The following CACNA1A variants were observed in gnomAD, a reference collection of about 807,000 sequenced individuals.
CACNA1A encodes the protein voltage-dependent P/Q-type calcium channel subunit alpha-1A.
CACNA1A carries 57 observed loss-of-function variants against 262.4 expected under a neutral mutation model. The observed-to-expected ratio is 0.22, with a 90% CI of 0.18 to 0.27. CACNA1A has a LOEUF of 0.27. Ranked by LOEUF, CACNA1A falls within the 10% of genes least tolerant of loss-of-function variation. The pLI is 1.00. For missense variants in CACNA1A, 2,526 were observed against 3,562.8 expected (o/e 0.71, Z 7.41); for synonymous variants, 1,431 against 1,419.3 (o/e 1.01, Z -0.18).
intron 6 of CACNA1A, among the ~76,000 whole-genome samples, chr19:13,354,392 G>A (rs1600406757): frequency 1.3e-5 from 2 of 152,312 alleles, no homozygotes; most frequent in South Asian, 2.1e-4. Flanking sequence ...CAAACAGATC[G>A]AGGCTCATTC....
At chr19:13,303,959 C>T (rs1054896204) in intron 15 of CACNA1A, 75 bp from the exon 16 acceptor site, 23 of 1,046,552 alleles carry the variant, frequency 2.2e-5, no homozygotes, top group South Asian at 8.5e-5. Flanking sequence ...GCTGTGGAGC[C>T]GGAATCCGCC....
chr19:13,339,929 G>A (rs556703110), intron 6 of CACNA1A, among the ~76,000 whole-genome samples: 10 of 152,190 alleles, frequency 6.6e-5, no homozygotes, highest in Non-Finnish European at 1.3e-4. Context: ...GGAAGGTTCT[G>A]GAAGAAAGAA....
At chr19:13,396,724 A>G (rs1027855058) in intron 3 of CACNA1A, among the ~76,000 whole-genome samples, 10 of 152,192 alleles carry the variant, frequency 6.6e-5, no homozygotes, top group Admixed American at 2.0e-4. Context: ...TGATGGTGCA[A>G]ACTAGTCATT....
chr19:13,365,074 G>A, intron 5 of CACNA1A: 1 of 341,852 alleles, frequency 2.9e-6, no homozygotes, highest in Non-Finnish European at 5.4e-6. Flanking sequence ...TCCCCCGATG[G>A]TGCTTCCTGG....
chr19:13,440,305 GTGA>G (rs2060693954), intron 3 of CACNA1A, among the ~76,000 whole-genome samples: 1 of 152,176 alleles, frequency 6.6e-6, no homozygotes, highest in African/African-American at 2.4e-5. Flanking sequence ...AGGTGATGGG[GTGA>G]CAATGAATCC....
chr19:13,424,367 CACAA>C lies in CACNA1A; in HGVS notation c.539+28505_539+28508del, dbSNP rs534908974. On this transcript the variant is annotated intron_variant, in intron 3 of 46. Coordinates refer to ENST00000360228, the MANE Select transcript of CACNA1A (RefSeq NM_001127222.2). ...CTGGGCAACAAGAGTGAGACTCCGTCACAAACAAACAAACAAACAAACAACAACA... is the reference window on the plus strand; with the variant it reads ...CTGGGCAACAAGAGTGAGACTCCGTCACAAACAAACAAACAAACAACAACA... Among the ~76,000 whole-genome samples, 108 of 152,234 alleles carry C rather than the reference CACAA, an allele frequency of 7.1e-4. No individual in the cohort carries two copies. In the East Asian group the frequency reaches 8.1e-3, roughly 11 times the overall value.
chr19:13,427,942 G>GTTTTTTTTTTTT (rs1311890494), intron 3 of CACNA1A, among the ~76,000 whole-genome samples: 6 of 151,050 alleles, frequency 4.0e-5, no homozygotes, highest in African/African-American at 1.2e-4. Context: ...ATAATAACAG[G>GTTTTTTTTTTTT]TTGTTTTTTT....
At chr19:13,372,844 A>C (rs1305974044) in intron 3 of CACNA1A, among the ~76,000 whole-genome samples, 1 of 152,244 alleles carries the variant, frequency 6.6e-6, no homozygotes, top group Non-Finnish European at 1.5e-5. Context: ...GGTCAAAAAG[A>C]GTCCCTTTTG....
At chr19:13,296,805 G>A (rs2057675714) in intron 19 of CACNA1A, among the ~76,000 whole-genome samples, 1 of 152,066 alleles carries the variant, frequency 6.6e-6, no homozygotes, top group Non-Finnish European at 1.5e-5. Flanking sequence ...TGTCGCCCAG[G>A]CTGAAGTGCA....
At chr19:13,318,991 C>A (rs150357492) in intron 10 of CACNA1A, among the ~76,000 whole-genome samples, 6 of 149,858 alleles carry the variant, frequency 4.0e-5, no homozygotes, top group African/African-American at 1.5e-4. Context: ...TGGGTTCAAG[C>A]GATCCTCCCA....
rs369746998 is a variant in CACNA1A at position 13,386,556 on chromosome 19, A to G, written c.540-14777T>C. On this transcript the variant is annotated intron_variant, in intron 3 of 46. Coordinates refer to ENST00000360228, the MANE Select transcript of CACNA1A (RefSeq NM_001127222.2). ...GTAATCCCAGCCCTTTGGGAGGCCG[A>G]GGCAGGTGCATCACCTGAGGTCAGG... 7.2e-5 allele frequency among the ~76,000 whole-genome samples: 11 copies of G among 152,264 alleles called. No individual in the cohort carries two copies. The East Asian group carries it at 1.9e-3, about 27-fold the overall frequency.
At chr19:13,488,821 A>G (rs1462994977) in intron 1 of CACNA1A, among the ~76,000 whole-genome samples, 2 of 151,786 alleles carry the variant, frequency 1.3e-5, no homozygotes, top group Non-Finnish European at 2.9e-5. Flanking sequence ...TGCATTTCCA[A>G]CAAGCTCCCA....
At chr19:13,261,426 A>C in intron 26 of CACNA1A, 24 bp downstream of exon 26, 1 of 1,547,418 alleles carries the variant, frequency 6.5e-7, no homozygotes, top group Non-Finnish European at 8.8e-7. Flanking sequence ...TCCAATGGGA[A>C]TGTGCTGGAA....
In CACNA1A at chr19:13,332,832, C is replaced by T. The variant is rs182128024; in HGVS notation, c.1255+37G>A. ...CCCACCACAGCTTCTCCCTTCTCCC[C>T]TGGGACCCACCCCTGAGGTGGGTTT... On this transcript the variant is annotated intron_variant, in intron 9 of 46. Coordinates refer to ENST00000360228, the MANE Select transcript of CACNA1A (RefSeq NM_001127222.2). 2.2e-5 allele frequency: 32 copies of T among 1,470,414 alleles called. No homozygotes were observed. The Admixed American group carries it at 5.2e-4, about 24-fold the overall frequency. The allele number at this position is 1,470,414 out of a possible 1,614,324, so 91.1% of individuals were successfully genotyped here. A position where few individuals can be genotyped will look rare whatever the true frequency, so the allele number is the denominator to read the frequency against.
chr19:13,217,520 G>T (rs6511852), intron 38 of CACNA1A, among the ~76,000 whole-genome samples: 150,190 of 152,248 alleles, frequency 0.99, 74,088 homozygotes, highest in East Asian at 1. Context: ...TTGACCTTCC[G>T]TAACCCCGAG....
chr19:13,246,355 G>A (rs1411123247), intron 30 of CACNA1A, among the ~76,000 whole-genome samples: 1 of 152,096 alleles, frequency 6.6e-6, no homozygotes, highest in African/African-American at 2.4e-5. Flanking sequence ...GAAGCAGTGT[G>A]GTCACTTTCT....
In CACNA1A at chr19:13,375,624, C is replaced by T. The variant is rs545647361; in HGVS notation, c.540-3845G>A. On this transcript the variant is annotated intron_variant, in intron 3 of 46. Coordinates refer to ENST00000360228, the MANE Select transcript of CACNA1A (RefSeq NM_001127222.2). The stretch of plus-strand genomic sequence containing the variant: ...GCAAAATAGGGAGACCCTATCTCTA[C>T]AGAAAATAAAAAAATTAGCTGGGTG... Among the ~76,000 whole-genome samples the T allele has an allele frequency of 7.2e-5, 11 of 152,020 alleles. 1 individual carries two copies. The highest frequency in any genetic ancestry group is 2.4e-4 in the African/African-American group (10 of 41,492).
intron 1 of CACNA1A, among the ~76,000 whole-genome samples, chr19:13,492,276 G>A (rs183434475): frequency 3.0e-4 from 46 of 152,208 alleles, no homozygotes; most frequent in African/African-American, 1.1e-3. Context: ...CAGAGGAAAG[G>A]ATATCCAAAC....
In CACNA1A at chr19:13,318,890, C is replaced by CTTTTTTTTTTTTTTTTTTT. The variant is rs751530649; in HGVS notation, c.1346-1570_1346-1569insAAAAAAAAAAAAAAAAAAA. ...ATTGAATTTACCTTCTAAAATACAT[C>CTTTTTTTTTTTTTTTTTTT]TTTTTTTTTTTTTTTTGAGACAGGA... On this transcript the variant is annotated intron_variant, in intron 10 of 46. Transcript: ENST00000360228. Among the ~76,000 whole-genome samples, 283 of 114,612 alleles carry CTTTTTTTTTTTTTTTTTTT rather than the reference C, an allele frequency of 2.5e-3. 27 individuals carry two copies. Among genetic ancestry groups the CTTTTTTTTTTTTTTTTTTT allele is most frequent in the African/African-American group, 9.0e-3 (242 of 27,028 alleles). The allele number at this position is 114,612 out of a possible 152,430, so 75.2% of individuals were successfully genotyped here.
Sources: gnomAD v4.1 joint callset for allele counts (sites outside exome capture counted in the v4.1 genomes callset) on GRCh38, gnomAD v4.1.1 for gene constraint, MANE v1.5 for transcripts, NCBI Gene and HGNC (gene_info 2026-07-23, HGNC 2026-07-21) for gene names.